The following TMCC3 variants were observed in gnomAD, a reference collection of about 807,000 sequenced individuals.
TMCC3 encodes transmembrane and coiled-coil domain protein 3.
In TMCC3, 28 loss-of-function variants were observed where a neutral mutation model predicts 40.2. The ratio of observed to expected loss-of-function variants is 0.70; its 90% confidence interval spans 0.52 to 0.95. TMCC3 has a LOEUF of 0.95. TMCC3 is among the 40% of genes least tolerant of loss of function. The probability of loss-of-function intolerance (pLI) is 0.00; values close to 1 mark genes in which losing one functional copy is unlikely to be tolerated. For missense variants in TMCC3, 554 were observed against 615.2 expected (o/e 0.90, Z 1.05); for synonymous variants, 255 against 248.5 (o/e 1.03, Z -0.25).
chr12:94,605,849 TC>T (rs1000353010), intron 1 of TMCC3, among the ~76,000 whole-genome samples: 2 of 152,090 alleles, frequency 1.3e-5, no homozygotes, highest in Non-Finnish European at 2.9e-5. Context: ...ACACGGCAAA[TC>T]ACATTCCCCT....
In TMCC3 at chr12:94,612,591, G is replaced by T. The variant is rs111916076; in HGVS notation, c.79-30053C>A. Among the ~76,000 whole-genome samples, 754 of 152,322 alleles carry T rather than the reference G, an allele frequency of 5.0e-3. 6 individuals are homozygous for T. Among genetic ancestry groups the T allele is most frequent in the African/African-American group, 0.017 (708 of 41,564 alleles). ...CCCAAAGTGCTGGGATTACAGGCGT[G>T]AGCCACCGCACCTGGCCTCAAGTTT... is the stretch of plus-strand genomic sequence containing the variant. On this transcript the variant is annotated intron_variant, in intron 1 of 3. Transcript: ENST00000261226.
At chr12:94,641,496 C>T (rs1594300835) in intron 1 of TMCC3, among the ~76,000 whole-genome samples, 1 of 152,068 alleles carries the variant, frequency 6.6e-6, no homozygotes, top group East Asian at 1.9e-4. Flanking sequence ...TCTAGGGGGA[C>T]GCTTCACTGG....
chr12:94,577,283 G>T (rs1168772227), intron 3 of TMCC3, among the ~76,000 whole-genome samples: 1 of 152,094 alleles, frequency 6.6e-6, no homozygotes, highest in Non-Finnish European at 1.5e-5. Flanking sequence ...CTGCCTCCCG[G>T]ATTCAAGCAA....
intron 1 of TMCC3, 151 bp from the exon 2 acceptor site, chr12:94,582,689 A>G: frequency 1.5e-6 from 1 of 683,290 alleles, no homozygotes; most frequent in Non-Finnish European, 2.4e-6. Context: ...TGTCCCCTCC[A>G]GTTGAACATA....
chr12:94,648,332 A>T (rs112828368), intron 1 of TMCC3, among the ~76,000 whole-genome samples: 7,085 of 152,016 alleles, frequency 0.047, 222 homozygotes, highest in Non-Finnish European at 0.072. Flanking sequence ...GGTTCAAGTG[A>T]TTCTCCGCCT....
intron 1 of TMCC3, among the ~76,000 whole-genome samples, chr12:94,615,731 T>C (rs2068844174): frequency 6.6e-6 from 1 of 152,206 alleles, no homozygotes. Flanking sequence ...ATTAGGCGTT[T>C]AGGCAGTTTA....
At chr12:94,623,378 G>A (rs1019395409) in intron 1 of TMCC3, among the ~76,000 whole-genome samples, 3 of 152,150 alleles carry the variant, frequency 2.0e-5, no homozygotes, top group Admixed American at 6.6e-5. Flanking sequence ...CCTCTGTTTG[G>A]CAGATGAGGG....
intron 1 of TMCC3, chr12:94,591,143 A>G: frequency 2.4e-6 from 1 of 409,312 alleles, no homozygotes; most frequent in Non-Finnish European, 4.8e-6. Flanking sequence ...TTTGTCCTGT[A>G]TGGAAAATAC....
At chr12:94,587,492 T>C (rs2068645228) in intron 1 of TMCC3, among the ~76,000 whole-genome samples, 1 of 152,202 alleles carries the variant, frequency 6.6e-6, no homozygotes, top group African/African-American at 2.4e-5. Context: ...TCTTAAGAGC[T>C]GTGGGACCTT....
intron 1 of TMCC3, among the ~76,000 whole-genome samples, chr12:94,631,276 A>G (rs1013224385): frequency 6.6e-6 from 1 of 152,106 alleles, no homozygotes; most frequent in Non-Finnish European, 1.5e-5. Flanking sequence ...AGCCTAGGGG[A>G]TATGGGCTGA....
chr12:94,645,610 T>G (rs1566339362), intron 1 of TMCC3, among the ~76,000 whole-genome samples: 1 of 152,080 alleles, frequency 6.6e-6, no homozygotes, highest in Non-Finnish European at 1.5e-5. Context: ...GCTAATTTTT[T>G]TGTATTTTTA....
intron 1 of TMCC3, among the ~76,000 whole-genome samples, chr12:94,639,566 C>T (rs562869445): frequency 2.6e-5 from 4 of 151,432 alleles, no homozygotes; most frequent in Admixed American, 1.3e-4. Flanking sequence ...GGCAACAGAA[C>T]GAGACTCTAT....
chr12:94,573,768 C>G (rs886357471), intron 3 of TMCC3, among the ~76,000 whole-genome samples: 2 of 152,230 alleles, frequency 1.3e-5, no homozygotes, highest in African/African-American at 4.8e-5. Context: ...ACAGACTCAC[C>G]TCAGGGCTTC....
At chr12:94,593,391 A>AAAGG (rs2068692542) in intron 1 of TMCC3, among the ~76,000 whole-genome samples, 2 of 62,774 alleles carry the variant, frequency 3.2e-5, no homozygotes, top group Admixed American at 1.8e-4. Context: ...AAGAAAGAAG[A>AAAGG]AAGAAGAAAG....
chr12:94,598,062 C>T (rs1179737550), intron 1 of TMCC3, among the ~76,000 whole-genome samples: 1 of 152,152 alleles, frequency 6.6e-6, no homozygotes, highest in Admixed American at 6.5e-5. Flanking sequence ...AAAGAGAAGC[C>T]ACCAGTTACT....
intron 1 of TMCC3, among the ~76,000 whole-genome samples, chr12:94,602,566 C>T (rs148012999): frequency 2.9e-4 from 44 of 152,240 alleles, no homozygotes; most frequent in Middle Eastern, 3.4e-3. Flanking sequence ...GTGAATGAAA[C>T]TTGTAGATAA....
intron 1 of TMCC3, among the ~76,000 whole-genome samples, chr12:94,612,460 G>A (rs1212701884): frequency 6.6e-6 from 1 of 151,092 alleles, no homozygotes; most frequent in Admixed American, 6.6e-5. Flanking sequence ...ACAGGTGCCC[G>A]CCACTACACT....
At chr12:94,642,049 G>C (rs1009470057) in intron 1 of TMCC3, among the ~76,000 whole-genome samples, 1 of 151,916 alleles carries the variant, frequency 6.6e-6, no homozygotes, top group Non-Finnish European at 1.5e-5. Flanking sequence ...GCCTAACATC[G>C]TGTCATTCAA....
At chr12:94,584,781 A>T (rs2068628285) in intron 1 of TMCC3, among the ~76,000 whole-genome samples, 1 of 152,126 alleles carries the variant, frequency 6.6e-6, no homozygotes, top group Admixed American at 6.5e-5. Context: ...GAGGGAAATA[A>T]ATGCCCAATC....
Sources: gnomAD v4.1 joint callset for allele counts (sites outside exome capture counted in the v4.1 genomes callset) on GRCh38, gnomAD v4.1.1 for gene constraint, MANE v1.5 for transcripts, NCBI Gene and HGNC (gene_info 2026-07-23, HGNC 2026-07-21) for gene names.